ZC3HAV1: variants seen among roughly 807,000 people sequenced by gnomAD.
ZC3HAV1 encodes the protein zinc finger CCCH-type containing, antiviral 1.
ZC3HAV1 carries 41 observed loss-of-function variants against 86.6 expected under a neutral mutation model. That is an observed-to-expected ratio of 0.47 (90% CI 0.37 to 0.61). The LOEUF is 0.61. ZC3HAV1 is among the 20% of genes least tolerant of loss of function. ZC3HAV1 has a pLI of 0.00. For synonymous variants in ZC3HAV1, 421 were observed against 432.1 expected, an observed-to-expected ratio of 0.97 and a Z score of 0.32; for missense variants, 964 against 1,141.1, an observed-to-expected ratio of 0.84 and a Z score of 2.24.
Position 139,065,688 on chromosome 7 carries a change from G to A in ZC3HAV1, c.1873-689C>T, listed in dbSNP as rs540532347. 5.9e-5 allele frequency among the ~76,000 whole-genome samples: 9 copies of A among 152,176 alleles called. No individual in the cohort carries two copies. The South Asian group carries it at 1.7e-3, about 28-fold the overall frequency. ...TGGGAGGCTGAGGCAGGTGGATCAC[G>A]AGGTCAAGAGATCGAGACCATCCTG... On this transcript the variant is annotated intron_variant, in intron 7 of 12. Transcript: ENST00000242351.
At chr7:139,086,597 A>T (rs1817279553) in intron 2 of ZC3HAV1, among the ~76,000 whole-genome samples, 1 of 151,770 alleles carries the variant, frequency 6.6e-6, no homozygotes, top group Non-Finnish European at 1.5e-5. Flanking sequence ...ATATCTGCCG[A>T]CCTCCTCCCT....
chr7:139,090,934 G>C (rs896620596), intron 1 of ZC3HAV1, among the ~76,000 whole-genome samples: 9 of 152,102 alleles, frequency 5.9e-5, no homozygotes, highest in Non-Finnish European at 1.2e-4. Context: ...TTGCCTCCTG[G>C]AGAAGTCAAG....
Position 139,055,295 on chromosome 7 carries a change from G to A in ZC3HAV1, c.2097C>T (p.Asp699=). Residue 699 remains aspartate (D), a splice_region_variant and synonymous_variant, in exon 10 of 13, where the codon GAC becomes GAT. Transcript: ENST00000242351. The part of the protein sequence containing the change: ...WYVQQMKRGP[D]HQPAKTSSVS... ...CTGACGAGGTCTTTGCTGGCTGATGGCTACAAATAAAGAGAAAGAATTCAC... is the reference window on the plus strand; with the variant it reads ...CTGACGAGGTCTTTGCTGGCTGATGACTACAAATAAAGAGAAAGAATTCAC... 1.2e-6 allele frequency: 2 copies of A among 1,610,626 alleles called. 1 individual carries two copies. The highest frequency in any genetic ancestry group is 4.5e-5 in the East Asian group (2 of 44,766).
In ZC3HAV1 at chr7:139,064,910, C is replaced by T. The variant is rs79607947; in HGVS notation, c.1962G>A (p.Ala654=). Residue 654 remains alanine, a synonymous_variant, in exon 8 of 13, where the codon GCG becomes GCA. Transcript: ENST00000242351. ...SCPRGVVPFQ[A]GSRNYELSFQ... is the part of the protein sequence containing the mutation. Reference sequence around the variant, plus strand: ...AACTCAGCTCATAGTTCCGTGAGCCCGCCTGAAATGGCACAACTCCCCTCG... The same window carrying T: ...AACTCAGCTCATAGTTCCGTGAGCCTGCCTGAAATGGCACAACTCCCCTCG... The T allele has an allele frequency of 1.4e-3, 2,227 of 1,614,124 alleles. 26 individuals carry two copies. In the African/African-American group the frequency reaches 0.026, roughly 19 times the overall value.
intron 5 of ZC3HAV1, among the ~76,000 whole-genome samples, chr7:139,077,197 T>C (rs1455796853): frequency 1.3e-5 from 2 of 152,210 alleles, no homozygotes; most frequent in Non-Finnish European, 2.9e-5. Context: ...TTTATATGTT[T>C]TTACTTACTT....
At chr7:139,064,342 G>T (rs891188191) in intron 8 of ZC3HAV1, among the ~76,000 whole-genome samples, 1 of 152,244 alleles carries the variant, frequency 6.6e-6, no homozygotes, top group African/African-American at 2.4e-5. Flanking sequence ...AACACAGCAG[G>T]TAGATTGGCG....
At chr7:139,098,169 A>G (rs1584872302) in intron 1 of ZC3HAV1, among the ~76,000 whole-genome samples, 1 of 151,668 alleles carries the variant, frequency 6.6e-6, no homozygotes, top group Non-Finnish European at 1.5e-5. Context: ...GAAATTCCTG[A>G]CCTCAAGTGA....
At chr7:139,068,454 G>A (rs956156066) in intron 7 of ZC3HAV1, among the ~76,000 whole-genome samples, 6 of 152,182 alleles carry the variant, frequency 3.9e-5, no homozygotes, top group East Asian at 1.9e-4. Flanking sequence ...TTTCAAGTGC[G>A]TTTAACTCAA....
At chr7:139,088,080 T>A (rs1341915951) in intron 2 of ZC3HAV1, among the ~76,000 whole-genome samples, 1 of 148,082 alleles carries the variant, frequency 6.8e-6, no homozygotes, top group Non-Finnish European at 1.5e-5. Context: ...AAAGTGCAAC[T>A]GAATTTCAAC....
At chr7:139,055,356 C>G (rs1488146135) in intron 9 of ZC3HAV1, 61 bp from the exon 10 acceptor site, 32 of 1,464,556 alleles carry the variant, frequency 2.2e-5, no homozygotes, top group Non-Finnish European at 2.9e-5. Context: ...GTGATGTTTT[C>G]TCTTAACTTC....
chr7:139,096,768 C>T (rs930844667), intron 1 of ZC3HAV1, among the ~76,000 whole-genome samples: 6 of 152,166 alleles, frequency 3.9e-5, no homozygotes, highest in African/African-American at 1.4e-4. Flanking sequence ...AGGAAGTGTA[C>T]CCCCAAGGAA....
chr7:139,071,812 G>A (rs757218788), intron 7 of ZC3HAV1, among the ~76,000 whole-genome samples: 2 of 152,182 alleles, frequency 1.3e-5, no homozygotes, highest in Non-Finnish European at 2.9e-5. Flanking sequence ...GGCTCGTTTA[G>A]AGTCTTTGAA....
chr7:139,080,840 G>A (rs552967146), intron 3 of ZC3HAV1, among the ~76,000 whole-genome samples: 1 of 152,148 alleles, frequency 6.6e-6, no homozygotes. Context: ...GAAAGCATTC[G>A]ATTTTGCCCA....
At chr7:139,097,162 AAAAT>A (rs1042271985) in intron 1 of ZC3HAV1, among the ~76,000 whole-genome samples, 1 of 150,912 alleles carries the variant, frequency 6.6e-6, no homozygotes, top group Non-Finnish European at 1.5e-5. Flanking sequence ...ATAAAAATAA[AAAAT>A]AAAAAAAAGA....
At chr7:139,074,060 A>G in intron 6 of ZC3HAV1, 30 bp from the exon 7 acceptor site, 4 of 1,588,242 alleles carry the variant, frequency 2.5e-6, no homozygotes, top group Non-Finnish European at 3.4e-6. Context: ...AGTTAACATA[A>G]TGCTTCATTG....
intron 1 of ZC3HAV1, among the ~76,000 whole-genome samples, chr7:139,092,763 G>C (rs1376162386): frequency 6.6e-6 from 1 of 152,182 alleles, no homozygotes; most frequent in Non-Finnish European, 1.5e-5. Context: ...CCCACCTGGG[G>C]GCCTGGTTTT....
chr7:139,102,911 C>T (rs1286479094), intron 1 of ZC3HAV1, among the ~76,000 whole-genome samples: 1 of 147,748 alleles, frequency 6.8e-6, no homozygotes, highest in Non-Finnish European at 1.5e-5. Context: ...AGAACAAGAT[C>T]CTGTCTCAAA....
intron 7 of ZC3HAV1, among the ~76,000 whole-genome samples, chr7:139,070,709 G>T (rs181693140): frequency 0.013 from 1,985 of 147,334 alleles, 41 homozygotes; most frequent in African/African-American, 0.047. Context: ...GGTTGGGTGC[G>T]GTGGCTTACA....
intron 7 of ZC3HAV1, among the ~76,000 whole-genome samples, chr7:139,066,227 A>G (rs908232121): frequency 2.0e-5 from 3 of 152,042 alleles, no homozygotes; most frequent in African/African-American, 7.2e-5. Flanking sequence ...CGTGGTGGAG[A>G]GGGGCTCACG....
Sources: gnomAD v4.1 joint callset for allele counts (sites outside exome capture counted in the v4.1 genomes callset) on GRCh38, gnomAD v4.1.1 for gene constraint, MANE v1.5 for transcripts, NCBI Gene and HGNC (gene_info 2026-07-23, HGNC 2026-07-21) for gene names.